Variants in RNMT observed in about 807,000 individuals in gnomAD.
The protein encoded by RNMT is RNA guanine-7 methyltransferase.
Under a neutral mutation model 56.0 loss-of-function variants are expected in RNMT, and 27 were observed. The ratio of observed to expected loss-of-function variants is 0.48; its 90% CI spans 0.36 to 0.67. The LOEUF (loss-of-function observed/expected upper bound fraction) is 0.67. Among genes scored for constraint, RNMT ranks in the 30% least tolerant of loss-of-function variants. The pLI, the probability that RNMT is intolerant of heterozygous loss-of-function variation, is 0.00. For missense variants in RNMT, 519 were observed against 552.1 expected, an observed-to-expected ratio of 0.94 and a Z score of 0.60; for synonymous variants, 184 against 176.2, an observed-to-expected ratio of 1.04 and a Z score of -0.35.
rs1441434072 is a variant in RNMT at position 13,763,111 on chromosome 18, C to T, written c.*3132C>T. On this transcript the variant is annotated 3_prime_UTR_variant, in exon 12 of 12. Coordinates refer to ENST00000383314, the MANE Select transcript of RNMT (RefSeq NM_003799.3). ...CCAAAATGCCTGTGGTACTTGATGG[C>T]CTGTTGGTCAAATAGGAAGTACAAG... 1 of 455,836 alleles carries T rather than the reference C, an allele frequency of 2.2e-6. No individual in the cohort carries two copies. Among genetic ancestry groups the T allele is most frequent in the African/African-American group, 2.0e-5 (1 of 50,012 alleles). The allele number at this position is 455,836 out of a possible 1,614,324, so 28.2% of individuals were successfully genotyped here.
chr18:13,740,391 T>C, intron 6 of RNMT, 112 bp downstream of exon 6: 1 of 645,206 alleles, frequency 1.5e-6, no homozygotes, highest in East Asian at 2.9e-5. Flanking sequence ...ACTCTTATTT[T>C]TTGAGACAGG....
In RNMT at chr18:13,731,563, G is replaced by C. The variant is rs1601993145; in HGVS notation, c.46G>C (p.Glu16Gln). ...KAEEYEKMSL[E>Q]QAKASVNSET... ...AGAAGAATATGAAAAGATGTCTCTT[G>C]AACAGGCAAAAGCGTCAGTGAATTC... Residue 16 changes from glutamate (E) to glutamine (Q), a missense_variant, in exon 3 of 12, where the codon GAA becomes CAA. Glu to Gln is a conservative substitution (Grantham distance 29, BLOSUM62 2). Coordinates refer to ENST00000383314, the MANE Select transcript of RNMT (RefSeq NM_003799.3). 7 of 1,609,838 alleles carry C rather than the reference G, an allele frequency of 4.3e-6. No homozygotes were observed. The highest frequency in any genetic ancestry group is 5.9e-6 in the Non-Finnish European group (7 of 1,178,954).
rs2044463924 is a variant in RNMT at position 13,752,338 on chromosome 18, A to G, written c.1270A>G (p.Asn424Asp). 1 of 1,610,590 alleles carries G rather than the reference A, an allele frequency of 6.2e-7. No individual in the cohort carries two copies. The highest frequency in any genetic ancestry group is 1.3e-5 in the African/African-American group (1 of 74,862). The change falls in exon 10 of 12, where the codon AAT (asparagine) becomes GAT (aspartate). Residue 424 changes from asparagine (N) to aspartate (D), a missense_variant. By Grantham distance (23) the Asn-to-Asp change is conservative. Transcript: ENST00000383314. ...RMQALEPYPA[N>D]ESSKLVSEKV... The stretch of plus-strand genomic sequence containing the variant: ...TTTCTTTCCCCAGCCATATCCTGCA[A>G]ATGAGAGTTCTAAACTTGTCTCTGA...
At chr18:13,747,022 T>C (rs950442671) in intron 9 of RNMT, among the ~76,000 whole-genome samples, 3 of 152,198 alleles carry the variant, frequency 2.0e-5, no homozygotes, top group African/African-American at 7.2e-5. Context: ...TACCAGACAA[T>C]GTTTGGTTGG....
At chr18:13,750,767 A>G (rs1289728150) in intron 9 of RNMT, among the ~76,000 whole-genome samples, 2 of 151,996 alleles carry the variant, frequency 1.3e-5, no homozygotes, top group African/African-American at 2.4e-5. Context: ...TGCCACTGCA[A>G]TACAGCCTGG....
intron 11 of RNMT, among the ~76,000 whole-genome samples, chr18:13,755,136 AG>A (rs1293337037): frequency 6.6e-6 from 1 of 152,228 alleles, no homozygotes; most frequent in Admixed American, 6.5e-5. Flanking sequence ...GTTCTGTGAA[AG>A]GTAAAGTAAA....
intron 3 of RNMT, 26 bp downstream of exon 3, chr18:13,731,960 T>G: frequency 6.5e-7 from 1 of 1,539,448 alleles, no homozygotes; most frequent in African/African-American, 1.4e-5. Flanking sequence ...TTTCATTTAT[T>G]CATAATAGAA....
Position 13,741,583 on chromosome 18 carries a change from A to G in RNMT, c.866A>G (p.Tyr289Cys). ...TGCAGTTGTCAGTTTGTCTGTCATT[A>G]CTCATTTGAGTCTTATGAGCAGGCT... is the stretch of plus-strand genomic sequence containing the variant. ...DICSCQFVCH[Y>C]SFESYEQADM... Residue 289 changes from tyrosine to cysteine, a missense_variant, in exon 7 of 12, where the codon TAC becomes TGC. Tyr to Cys is a radical substitution (Grantham distance 194). Coordinates refer to ENST00000383314, the MANE Select transcript of RNMT (RefSeq NM_003799.3). The G allele has an allele frequency of 1.2e-6, 2 of 1,613,742 alleles. No homozygotes were observed. The highest frequency in any genetic ancestry group is 1.7e-6 in the Non-Finnish European group (2 of 1,179,684).
intron 6 of RNMT, among the ~76,000 whole-genome samples, chr18:13,741,025 T>G (rs1486587276): frequency 6.6e-6 from 1 of 152,262 alleles, no homozygotes; most frequent in African/African-American, 2.4e-5. Context: ...TTTTTGTTCT[T>G]CATTGACTTA....
At chr18:13,727,022 G>T (rs1446377665) in intron 1 of RNMT, among the ~76,000 whole-genome samples, 1 of 152,224 alleles carries the variant, frequency 6.6e-6, no homozygotes, top group Non-Finnish European at 1.5e-5. Context: ...GGGGAGGGGC[G>T]TGGGGTCCGC....
chr18:13,746,201 A>G lies in RNMT; in HGVS notation c.1140-19A>G. On this transcript the variant is annotated intron_variant, in intron 8 of 11. Transcript: ENST00000383314. ...CAAACATGTGGAAGCTTTTTCATTA[A>G]GTATTCTTTTTTGGACAGAATGGCA... The G allele has an allele frequency of 8.0e-7, 1 of 1,249,112 alleles. No individual in the cohort carries two copies. The highest frequency in any genetic ancestry group is 1.1e-6 in the Non-Finnish European group (1 of 875,248). The allele number at this position is 1,249,112 out of a possible 1,614,324, so 77.4% of individuals were successfully genotyped here.
chr18:13,747,093 A>G (rs1598422118), intron 9 of RNMT, among the ~76,000 whole-genome samples: 1 of 152,348 alleles, frequency 6.6e-6, no homozygotes, highest in Non-Finnish European at 1.5e-5. Flanking sequence ...TATTCATCAA[A>G]TGGACATTAA....
At chr18:13,751,902 G>C (rs900496643) in intron 9 of RNMT, among the ~76,000 whole-genome samples, 5 of 152,088 alleles carry the variant, frequency 3.3e-5, no homozygotes, top group African/African-American at 1.2e-4. Flanking sequence ...CTCACTCATA[G>C]GTGGGAGTTG....
chr18:13,737,024 A>C lies in RNMT; in HGVS notation c.568A>C (p.Lys190Gln), dbSNP rs773935531. The C allele has an allele frequency of 2.5e-6, 4 of 1,611,896 alleles. No individual in the cohort carries two copies. In the Admixed American group the frequency reaches 6.7e-5, roughly 27 times the overall value. Residue 190 changes from lysine to glutamine, a missense_variant, in exon 5 of 12, where the codon AAG becomes CAG. Lys to Gln is a moderately conservative substitution (Grantham distance 53). Coordinates refer to ENST00000383314, the MANE Select transcript of RNMT (RefSeq NM_003799.3). ...CTCTCTTTTAGGAGAATTTTTGGAA[A>C]AGGTACGACAGAAGAAAAAACGTGA... ...KSVLIGEFLE[K>Q]VRQKKKRDIT...
intron 3 of RNMT, among the ~76,000 whole-genome samples, chr18:13,733,878 C>T (rs1016169327): frequency 1.3e-5 from 2 of 152,102 alleles, no homozygotes; most frequent in South Asian, 2.1e-4. Flanking sequence ...GATGAAATAT[C>T]ACAATGAAAA....
In RNMT at chr18:13,737,233, T is replaced by C. The variant is rs142697187; in HGVS notation, c.679+98T>C. On this transcript the variant is annotated intron_variant, in intron 5 of 11. Transcript: ENST00000383314. ...ATTGCAAGATATCTGGGACTATGCA[T>C]GAGATGGGTTTTTTTTAAATTAATT... 991 of 1,096,062 alleles carry C rather than the reference T, an allele frequency of 9.0e-4. 2 individuals are homozygous for C. The highest frequency in any genetic ancestry group is 6.4e-3 in the South Asian group (359 of 56,440). The allele number at this position is 1,096,062 out of a possible 1,614,324, so 67.9% of individuals were successfully genotyped here.
At chr18:13,750,885 A>AG (rs2044431599) in intron 9 of RNMT, among the ~76,000 whole-genome samples, 2 of 152,164 alleles carry the variant, frequency 1.3e-5, no homozygotes, top group African/African-American at 4.8e-5. Context: ...TATTTAATAA[A>AG]TGGTGCTGGG....
At position 13,742,583 on chromosome 18, in the gene RNMT, A is replaced by G. The variant is rs1171309133; in HGVS notation, c.1070A>G (p.Lys357Arg). 1 of 1,613,764 alleles carries G rather than the reference A, an allele frequency of 6.2e-7. No individual in the cohort carries two copies. The highest frequency in any genetic ancestry group is 1.3e-5 in the African/African-American group (1 of 75,036). ...GGAGATTATCCTTTATTTGGCTGCAAATATGACTTCAACTTGGAAGGTGTT... is the reference window on the plus strand; with the variant it reads ...GGAGATTATCCTTTATTTGGCTGCAGATATGACTTCAACTTGGAAGGTGTT... The part of the protein sequence containing the change: ...KKGDYPLFGC[K>R]YDFNLEGVVD... Residue 357 changes from lysine (K) to arginine (R), a missense_variant, in exon 8 of 12, where the codon AAA becomes AGA. Coordinates refer to ENST00000383314, the MANE Select transcript of RNMT (RefSeq NM_003799.3).
chr18:13,742,842 G>C, intron 8 of RNMT, 190 bp downstream of exon 8: 1 of 445,748 alleles, frequency 2.2e-6, no homozygotes, highest in South Asian at 3.7e-5. Context: ...GGGGATTATT[G>C]CCATAGGTCT....
Sources: allele counts gnomAD v4.1 joint callset (sites outside exome capture counted in the v4.1 genomes callset), GRCh38; gene constraint gnomAD v4.1.1; transcripts MANE v1.5; gene names NCBI Gene and HGNC (gene_info 2026-07-23, HGNC 2026-07-21).